Variants in ANKRD52 observed in about 807,000 individuals in gnomAD.
ANKRD52 encodes the protein ankyrin repeat domain 52, also known as serine/threonine-protein phosphatase 6 regulatory ankyrin repeat subunit C.
ANKRD52 carries 7 observed loss-of-function variants against 116.0 expected under a neutral mutation model. The observed-to-expected ratio is 0.06, with a 90% confidence interval of 0.03 to 0.11. The LOEUF is 0.11. Ranked by LOEUF, ANKRD52 falls within the 10% of genes least tolerant of loss-of-function variation. The pLI, the probability that ANKRD52 is intolerant of heterozygous loss-of-function variation, is 1.00. For synonymous variants in ANKRD52, 528 were observed against 578.1 expected (o/e 0.91, Z 1.24); for missense variants, 839 against 1,408.6 (o/e 0.60, Z 6.47).
Position 56,244,110 on chromosome 12 carries a change from C to G in ANKRD52, c.2829G>C (p.Met943Ile). 6.2e-7 allele frequency: 1 copy of G among 1,613,978 alleles called. No homozygotes were observed. Among genetic ancestry groups the G allele is most frequent in the Non-Finnish European group, 8.5e-7 (1 of 1,179,896 alleles). ...CAAGGTCTTGGGTTTCTGCCAGGAT[C>G]ATGAGGGCACATTTCTCATGGCCCT... ...CSKGHEKCAL[M>I]ILAETQDLGL... is the part of the protein sequence containing the mutation. The change falls in exon 26 of 28, where the codon ATG (methionine) becomes ATC (isoleucine). Residue 943 changes from methionine to isoleucine, a missense_variant. Around this residue, in one of 2 missense-constraint regions of ANKRD52, gnomAD observed 552 missense variants for 810.6 expected, o/e 0.68. Transcript: ENST00000267116. The surrounding 1 kb of genome is among the most constrained non-coding windows in gnomAD (Gnocchi z 4.9).
At chr12:56,250,101 G>A (rs1294974771) in intron 15 of ANKRD52, among the ~76,000 whole-genome samples, 10 of 152,114 alleles carry the variant, frequency 6.6e-5, no homozygotes, top group Non-Finnish European at 1.2e-4. Flanking sequence ...GGAGGAAGAG[G>A]CAGGAGAATC....
In ANKRD52 at chr12:56,247,692, A is replaced by G. The variant is rs770611534; in HGVS notation, c.2061T>C (p.Tyr687=). The change falls in exon 19 of 28, where the codon TAT becomes TAC. Residue 687 remains tyrosine (Y), a synonymous_variant. Transcript: ENST00000267116. ...RADITDVMDA[Y]GQTPLMLAIM... is the part of the protein sequence containing the mutation. The stretch of plus-strand genomic sequence containing the variant: ...CCACCCTGGCCCACACTCACTGTCC[A>G]TAGGCATCCATGACATCTGTGATGT... 4.3e-5 allele frequency: 70 copies of G among 1,611,166 alleles called. No homozygotes were observed. Among genetic ancestry groups the G allele is most frequent in the Non-Finnish European group, 5.5e-5 (65 of 1,178,788 alleles).
In ANKRD52 at chr12:56,253,495, G is replaced by T; in HGVS notation, c.986-93C>A. 2 of 1,035,496 alleles carry T rather than the reference G, an allele frequency of 1.9e-6. No homozygotes were observed. The highest frequency in any genetic ancestry group is 3.0e-6 in the Non-Finnish European group (2 of 674,364). The allele number at this position is 1,035,496 out of a possible 1,614,324, so 64.1% of individuals were successfully genotyped here. A position where few individuals can be genotyped will look rare whatever the true frequency, so the allele number is the denominator to read the frequency against. ...CATGATTTGAGTGCCTACTATGTAT[G>T]CATCAGGTGCCAGGCCCAGGATTCT... On this transcript the variant is annotated intron_variant, in intron 9 of 27. Transcript: ENST00000267116. The surrounding 1 kb of genome is among the most constrained non-coding windows in gnomAD (Gnocchi z 5.5).
chr12:56,244,547 C>G lies in ANKRD52; in HGVS notation c.2722+105G>C. ...TGGCGAGACATCCAAAGACAACCCTCTTGCTTTCTGAACCCCAGCCCCAGC... is the reference window on the plus strand; with the variant it reads ...TGGCGAGACATCCAAAGACAACCCTGTTGCTTTCTGAACCCCAGCCCCAGC... On this transcript the variant is annotated intron_variant, in intron 24 of 27. Transcript: ENST00000267116. This position sits in a 1 kb window ranked among gnomAD's most constrained non-coding sequence, Gnocchi z 4.9. The G allele has an allele frequency of 1.3e-6, 2 of 1,599,206 alleles. No individual in the cohort carries two copies. Among genetic ancestry groups the G allele is most frequent in the Non-Finnish European group, 1.7e-6 (2 of 1,171,856 alleles).
Position 56,252,685 on chromosome 12 carries a change from TGA to T in ANKRD52, c.1301+93_1301+94del. Reference sequence around the variant, plus strand: ...CTTTCTGCTGTGACTGCTTTCATTGTGAGAGGGGGAATAGATCTGGGCAGGCA... The same window carrying T: ...CTTTCTGCTGTGACTGCTTTCATTGTGAGGGGGAATAGATCTGGGCAGGCA... On this transcript the variant is annotated intron_variant, in intron 12 of 27. Transcript: ENST00000267116. This position sits in a 1 kb window ranked among gnomAD's most constrained non-coding sequence, Gnocchi z 4.7. The T allele has an allele frequency of 6.5e-7, 1 of 1,537,610 alleles. No individual in the cohort carries two copies.
rs560834568 is a variant in ANKRD52, at chr12:56,244,567, C to A, written c.2722+85G>T. The A allele has an allele frequency of 3.1e-6, 5 of 1,602,730 alleles. No homozygotes were observed. In the South Asian group the frequency reaches 5.6e-5, roughly 18 times the overall value. ...ACCCTCTTGCTTTCTGAACCCCAGCCCCAGCCAGCCTCCACAGGCAGGGCT... is the reference window on the plus strand; with the variant it reads ...ACCCTCTTGCTTTCTGAACCCCAGCACCAGCCAGCCTCCACAGGCAGGGCT... On this transcript the variant is annotated intron_variant, in intron 24 of 27. Coordinates refer to ENST00000267116, the MANE Select transcript of ANKRD52 (RefSeq NM_173595.4). This position sits in a 1 kb window ranked among gnomAD's most constrained non-coding sequence, Gnocchi z 4.9.
At position 56,243,068 on chromosome 12, in the gene ANKRD52, T is replaced by A; in HGVS notation, c.*74A>T. ...AGTCGTGTTCTCCTTTAAAGTGCCC[T>A]AAATGTTTAGACTTTTTCTAAATAA... On this transcript the variant is annotated 3_prime_UTR_variant, in exon 28 of 28. Transcript: ENST00000267116. The surrounding 1 kb of genome is among the most constrained non-coding windows in gnomAD (Gnocchi z 4.6). 3 of 1,459,818 alleles carry A rather than the reference T, an allele frequency of 2.1e-6. No homozygotes were observed. Among genetic ancestry groups the A allele is most frequent in the East Asian group, 2.5e-5 (1 of 39,528 alleles). 90.4% of individuals were successfully genotyped at this position (1,459,818 alleles called of 1,614,324 possible). A position where few individuals can be genotyped will look rare whatever the true frequency, so the allele number is the denominator to read the frequency against.
chr12:56,245,862 G>A (rs556597961), intron 20 of ANKRD52, among the ~76,000 whole-genome samples: 3 of 150,256 alleles, frequency 2.0e-5, no homozygotes, highest in East Asian at 4.0e-4. Context: ...TTACAGGCAG[G>A]TGCCACCATG....
chr12:56,248,140 C>T lies in ANKRD52; in HGVS notation c.1861G>A (p.Ala621Thr), dbSNP rs1386191599. The change falls in exon 18 of 28, where the codon GCA (alanine) becomes ACA (threonine). Residue 621 changes from alanine (A) to threonine (T), a missense_variant. Coordinates refer to ENST00000267116, the MANE Select transcript of ANKRD52 (RefSeq NM_173595.4). This position sits in a 1 kb window ranked among gnomAD's most constrained non-coding sequence, Gnocchi z 5.1. ...CCGCGCTCCGTGGCCAGGAAGAGTG[C>T]GGTCCGGCCCTTGTGGTCCCTTACG... ...LDVRDHKGRT[A>T]LFLATERGST... The T allele has an allele frequency of 1.9e-6, 3 of 1,613,862 alleles. No homozygotes were observed. The highest frequency in any genetic ancestry group is 2.5e-6 in the Non-Finnish European group (3 of 1,179,902).
intron 21 of ANKRD52, 50 bp from the exon 22 acceptor site, chr12:56,245,240 C>T (rs780849232): frequency 8.7e-6 from 14 of 1,608,170 alleles, no homozygotes; most frequent in Non-Finnish European, 1.0e-5. Context: ...GCAAGGTTCC[C>T]TGTCTGTCCT....
chr12:56,246,922 T>C (rs1592389181), intron 20 of ANKRD52, among the ~76,000 whole-genome samples: 1 of 7,666 alleles, frequency 1.3e-4, no homozygotes, highest in South Asian at 3.3e-3. Flanking sequence ...TCTATCTCAA[T>C]AATAATAATA....
rs1035867117 is a variant in ANKRD52, at chr12:56,247,427, CTGG to C, written c.2184+63_2184+65del. 5 of 1,312,960 alleles carry C rather than the reference CTGG, an allele frequency of 3.8e-6. No individual in the cohort carries two copies. In the African/African-American group the frequency reaches 7.4e-5, roughly 19 times the overall value. 81.3% of individuals were successfully genotyped at this position (1,312,960 alleles called of 1,614,324 possible). On this transcript the variant is annotated intron_variant, in intron 20 of 27. Coordinates refer to ENST00000267116, the MANE Select transcript of ANKRD52 (RefSeq NM_173595.4). Reference sequence around the variant, plus strand: ...TCCTAGACAATTGGATTCCCTACTGCTGGTGAGTCCCATGCTCCCACACTGAGG... The same window carrying C: ...TCCTAGACAATTGGATTCCCTACTGCTGAGTCCCATGCTCCCACACTGAGG...
rs1871882750 is a variant in ANKRD52, at chr12:56,255,067, G to A, written c.463-115C>T. On this transcript the variant is annotated intron_variant, in intron 5 of 27. Coordinates refer to ENST00000267116, the MANE Select transcript of ANKRD52 (RefSeq NM_173595.4). This position sits in a 1 kb window ranked among gnomAD's most constrained non-coding sequence, Gnocchi z 4.3. Reference sequence around the variant, plus strand: ...GAGGCAGCCTAATGCCTTTTTCCATGAGCAAAACAACCTGGAGGACTCGAG... The same window carrying A: ...GAGGCAGCCTAATGCCTTTTTCCATAAGCAAAACAACCTGGAGGACTCGAG... 1.0e-6 allele frequency: 1 copy of A among 1,004,056 alleles called. No homozygotes were observed. Among genetic ancestry groups the A allele is most frequent in the South Asian group, 1.5e-5 (1 of 68,128 alleles). 62.2% of individuals were successfully genotyped at this position (1,004,056 alleles called of 1,614,324 possible).
Position 56,247,715 on chromosome 12 carries a change from T to G in ANKRD52, c.2038A>C (p.Ile680Leu). 2 of 1,612,376 alleles carry G rather than the reference T, an allele frequency of 1.2e-6. No homozygotes were observed. The highest frequency in any genetic ancestry group is 2.2e-5 in the South Asian group (2 of 90,586). The change falls in exon 19 of 28, where the codon ATC becomes CTC. Residue 680 changes from isoleucine (I) to leucine (L), a missense_variant. Around this residue, in one of 2 missense-constraint regions of ANKRD52, gnomAD observed 552 missense variants for 810.6 expected, o/e 0.68. Transcript: ENST00000267116. ...LLIDSGERAD[I>L]TDVMDAYGQT... ...CCATAGGCATCCATGACATCTGTGA[T>G]GTCAGCTCGTTCCCCACTGTCGATC...
At chr12:56,251,244 T>C (rs972014615) in intron 15 of ANKRD52, among the ~76,000 whole-genome samples, 1 of 151,604 alleles carries the variant, frequency 6.6e-6, no homozygotes, top group Non-Finnish European at 1.5e-5. Context: ...CCCGGCCTAT[T>C]TTTAATTTTA....
At chr12:56,256,900 A>G in intron 4 of ANKRD52, 115 bp downstream of exon 4, 1 of 1,168,152 alleles carries the variant, frequency 8.6e-7, no homozygotes, top group Non-Finnish European at 1.2e-6. Context: ...TGATCTCCTC[A>G]CTACCTGGGG....
rs965332864 is a variant in ANKRD52, at chr12:56,249,191, C to T, written c.1593-321G>A. ...CATGCTTTCCCCACCTCCAGGCACG[C>T]CAACCCCTGCCCTAGGATGCTTTCT... On this transcript the variant is annotated intron_variant, in intron 15 of 27. Transcript: ENST00000267116. Among the ~76,000 whole-genome samples, 51 of 152,292 alleles carry T rather than the reference C, an allele frequency of 3.3e-4. 1 individual carries two copies. Among genetic ancestry groups the T allele is most frequent in the African/African-American group, 1.1e-3 (44 of 41,560 alleles).
rs1012787345 is a variant in ANKRD52, at chr12:56,255,477, G to A, written c.462+307C>T. ...AGTGCTGGGATTACAGGCGTGAGCC[G>A]CCGTGCCCGGCCGGTTCTTAAACTC... On this transcript the variant is annotated intron_variant, in intron 5 of 27. Transcript: ENST00000267116. The surrounding 1 kb of genome is among the most constrained non-coding windows in gnomAD (Gnocchi z 4.3). Among the ~76,000 whole-genome samples, 9 of 152,156 alleles carry A rather than the reference G, an allele frequency of 5.9e-5. No individual in the cohort carries two copies. Among genetic ancestry groups the A allele is most frequent in the Non-Finnish European group, 1.2e-4 (8 of 68,032 alleles).
chr12:56,237,858 G>C lies in ANKRD52; in HGVS notation c.*5284C>G, dbSNP rs1215395520. 1.7e-6 allele frequency: 2 copies of C among 1,186,506 alleles called. No homozygotes were observed. Among genetic ancestry groups the C allele is most frequent in the Non-Finnish European group, 2.3e-6 (2 of 881,120 alleles). The allele number at this position is 1,186,506 out of a possible 1,614,324, so 73.5% of individuals were successfully genotyped here. A position where few individuals can be genotyped will look rare whatever the true frequency, so the allele number is the denominator to read the frequency against. On this transcript the variant is annotated 3_prime_UTR_variant, in exon 28 of 28. Transcript: ENST00000267116. ...GAACCCATCCCAAAGCCATGACTACGACAGTTGTACTTGCACCAAAACAGC... is the reference window on the plus strand; with the variant it reads ...GAACCCATCCCAAAGCCATGACTACCACAGTTGTACTTGCACCAAAACAGC...
Sources: gnomAD v4.1 joint callset for allele counts (sites outside exome capture counted in the v4.1 genomes callset) on GRCh38, gnomAD v4.1.1 for gene constraint, gnomAD v4.1.1 regional missense constraint, Gnocchi (gnomAD v3.1) non-coding constraint, MANE v1.5 for transcripts, NCBI Gene and HGNC (gene_info 2026-07-23, HGNC 2026-07-21) for gene names.